The following NPSR1 variants were observed in gnomAD, a reference collection of about 807,000 sequenced individuals.
The protein encoded by NPSR1 is neuropeptide S receptor 1.
NPSR1 carries 48 observed loss-of-function variants against 46.9 expected under a neutral mutation model. The ratio of observed to expected loss-of-function variants is 1.02; its 90% CI spans 0.81 to 1.30. NPSR1 has a LOEUF of 1.30. Among genes scored for constraint, NPSR1 ranks in the 50% most tolerant of loss-of-function variants. The pLI is 0.00. For missense variants in NPSR1, 450 were observed against 449.5 expected, an observed-to-expected ratio of 1.00 and a Z score of -0.01; for synonymous variants, 176 against 168.1, an observed-to-expected ratio of 1.05 and a Z score of -0.36.
rs543688717 is a variant in NPSR1 at position 34,704,777 on chromosome 7, A to G, written c.280+20093A>G. 6.6e-5 allele frequency among the ~76,000 whole-genome samples: 10 copies of G among 152,344 alleles called. No individual in the cohort carries two copies. In the South Asian group the frequency reaches 1.0e-3, roughly 16 times the overall value. ...TAGGGAAGTTGACCTGAAGCACAGC[A>G]TCTTATCGGATTGCTTAAGGGTGCA... is the stretch of plus-strand genomic sequence containing the variant. On this transcript the variant is annotated intron_variant, in intron 2 of 8. Coordinates refer to ENST00000360581, the MANE Select transcript of NPSR1 (RefSeq NM_207172.2).
intron 2 of NPSR1, among the ~76,000 whole-genome samples, chr7:34,771,777 C>T (rs1267945827): frequency 1.3e-5 from 2 of 152,136 alleles, no homozygotes; most frequent in Admixed American, 6.6e-5. Context: ...AATGTTCTAA[C>T]CTTTCTTATT....
chr7:34,815,336 A>T lies in NPSR1; in HGVS notation c.478+3473A>T, dbSNP rs550206234. ...AAAGGGTGTCAGTGATTGAAGATCAAATTAATGAAATAAAGCGAGAAGACA... is the reference window on the plus strand; with the variant it reads ...AAAGGGTGTCAGTGATTGAAGATCATATTAATGAAATAAAGCGAGAAGACA... On this transcript the variant is annotated intron_variant, in intron 4 of 8. Coordinates refer to ENST00000360581, the MANE Select transcript of NPSR1 (RefSeq NM_207172.2). 6.6e-5 allele frequency among the ~76,000 whole-genome samples: 10 copies of T among 152,326 alleles called. No homozygotes were observed. In the South Asian group the frequency reaches 2.1e-3, roughly 32 times the overall value.
At chr7:34,846,683 T>C (rs1385558479) in intron 7 of NPSR1, among the ~76,000 whole-genome samples, 1 of 152,216 alleles carries the variant, frequency 6.6e-6, no homozygotes, top group Non-Finnish European at 1.5e-5. Context: ...GCGGTATTAC[T>C]GTCAGTGACT....
chr7:34,722,462 G>T (rs952889242), intron 2 of NPSR1, among the ~76,000 whole-genome samples: 1 of 152,180 alleles, frequency 6.6e-6, no homozygotes, highest in Non-Finnish European at 1.5e-5. Flanking sequence ...TGGAGGAAAA[G>T]ATTTTGCATG....
intron 6 of NPSR1, among the ~76,000 whole-genome samples, chr7:34,837,356 C>A (rs1396305650): frequency 6.6e-6 from 1 of 152,230 alleles, no homozygotes; most frequent in Non-Finnish European, 1.5e-5. Context: ...TGCTTAGACC[C>A]TCTAAGGCCC....
chr7:34,792,674 T>C lies in NPSR1; in HGVS notation c.384+14109T>C, dbSNP rs1381580293. ...ATATGTATATATATATTTATATATA[T>C]GTATATATATATATGTATATATATA... On this transcript the variant is annotated intron_variant, in intron 3 of 8. Transcript: ENST00000360581. Among the ~76,000 whole-genome samples, 112 of 120,628 alleles carry C rather than the reference T, an allele frequency of 9.3e-4. 2 individuals are homozygous for C. Among genetic ancestry groups the C allele is most frequent in the African/African-American group, 2.4e-3 (76 of 31,944 alleles). The allele number at this position is 120,628 out of a possible 152,430, so 79.1% of individuals were successfully genotyped here. A position where few individuals can be genotyped will look rare whatever the true frequency, so the allele number is the denominator to read the frequency against.
chr7:34,671,922 C>T (rs1440174298), intron 1 of NPSR1, among the ~76,000 whole-genome samples: 2 of 152,192 alleles, frequency 1.3e-5, no homozygotes, highest in African/African-American at 2.4e-5. Flanking sequence ...TTCTCAGACA[C>T]TTTCCCTTTT....
At chr7:34,728,287 G>A (rs1396118550) in intron 2 of NPSR1, among the ~76,000 whole-genome samples, 2 of 152,144 alleles carry the variant, frequency 1.3e-5, no homozygotes, top group Non-Finnish European at 2.9e-5. Context: ...CAGAGGAAAT[G>A]CACCAGACCC....
At chr7:34,721,380 C>A (rs1223118465) in intron 2 of NPSR1, among the ~76,000 whole-genome samples, 1 of 152,152 alleles carries the variant, frequency 6.6e-6, no homozygotes, top group Admixed American at 6.5e-5. Flanking sequence ...ATAGAAGAAA[C>A]CCTTCCTGAG....
intron 2 of NPSR1, among the ~76,000 whole-genome samples, chr7:34,711,862 C>G (rs975911412): frequency 1.3e-5 from 2 of 152,230 alleles, no homozygotes; most frequent in Non-Finnish European, 2.9e-5. Flanking sequence ...TATAGCAGCA[C>G]TTCTCAACAC....
At chr7:34,671,587 G>T (rs1408175135) in intron 1 of NPSR1, among the ~76,000 whole-genome samples, 1 of 152,138 alleles carries the variant, frequency 6.6e-6, no homozygotes, top group Non-Finnish European at 1.5e-5. Flanking sequence ...CAGATGACTG[G>T]CTGTATGAAT....
At chr7:34,699,995 C>T (rs1201025771) in intron 2 of NPSR1, among the ~76,000 whole-genome samples, 1 of 152,110 alleles carries the variant, frequency 6.6e-6, no homozygotes, top group Non-Finnish European at 1.5e-5. Flanking sequence ...CAGATTACTA[C>T]AAAAGCCACC....
chr7:34,672,194 A>T (rs995589957), intron 1 of NPSR1, among the ~76,000 whole-genome samples: 2 of 152,218 alleles, frequency 1.3e-5, no homozygotes, highest in African/African-American at 4.8e-5. Flanking sequence ...GCAAATATTA[A>T]TTACTACATA....
chr7:34,736,621 G>A (rs576148750), intron 2 of NPSR1, among the ~76,000 whole-genome samples: 27 of 152,018 alleles, frequency 1.8e-4, no homozygotes, highest in African/African-American at 5.8e-4. Flanking sequence ...TTATTTTAGA[G>A]ACAGCATCTC....
chr7:34,792,017 A>G (rs1312571120), intron 3 of NPSR1, among the ~76,000 whole-genome samples: 1 of 152,144 alleles, frequency 6.6e-6, no homozygotes, highest in Non-Finnish European at 1.5e-5. Context: ...TCTACATGAG[A>G]AGAGTGCAAT....
At chr7:34,792,284 T>C (rs1584033739) in intron 3 of NPSR1, among the ~76,000 whole-genome samples, 1 of 151,756 alleles carries the variant, frequency 6.6e-6, no homozygotes, top group South Asian at 2.1e-4. Context: ...AGGTGACCTA[T>C]GGAAAGGGAG....
intron 2 of NPSR1, among the ~76,000 whole-genome samples, chr7:34,731,573 T>G (rs1413812672): frequency 6.6e-6 from 1 of 152,206 alleles, no homozygotes; most frequent in East Asian, 1.9e-4. Context: ...AAAGAAGTGA[T>G]TTTACAAGAA....
At chr7:34,868,521 C>T (rs190392745) in intron 8 of NPSR1, among the ~76,000 whole-genome samples, 82 of 151,666 alleles carry the variant, frequency 5.4e-4, no homozygotes, top group Non-Finnish European at 4.7e-4. Context: ...CTAGCATGAC[C>T]CTCAGCAGGA....
At chr7:34,696,514 C>T (rs1481625272) in intron 2 of NPSR1, among the ~76,000 whole-genome samples, 1 of 151,830 alleles carries the variant, frequency 6.6e-6, no homozygotes, top group African/African-American at 2.4e-5. Flanking sequence ...GATTGAATGT[C>T]CTAGAAAGGA....
Sources: gnomAD v4.1 joint callset for allele counts (sites outside exome capture counted in the v4.1 genomes callset) on GRCh38, gnomAD v4.1.1 for gene constraint, MANE v1.5 for transcripts, NCBI Gene and HGNC (gene_info 2026-07-23, HGNC 2026-07-21) for gene names.